ME3: variants seen among roughly 807,000 people sequenced by gnomAD.
The protein encoded by ME3 is NADP-dependent malic enzyme, mitochondrial.
ME3 carries 48 observed loss-of-function variants against 68.9 expected under a neutral mutation model. That is an observed-to-expected ratio of 0.70 (90% CI 0.55 to 0.89). The LOEUF is 0.89. ME3 is among the 40% of genes least tolerant of loss of function. The pLI is 0.00. For missense variants in ME3, 675 were observed against 797.4 expected (o/e 0.85, Z 1.85); for synonymous variants, 320 against 318.8 (o/e 1.00, Z -0.04).
rs1042138453 is a variant in ME3 at position 86,594,369 on chromosome 11, T to A, written c.184-34546A>T. 3.4e-5 allele frequency among the ~76,000 whole-genome samples: 5 copies of A among 146,284 alleles called. 1 individual carries two copies. Among genetic ancestry groups the A allele is most frequent in the Non-Finnish European group, 6.0e-5 (4 of 67,140 alleles). ...CACCTCATCATAAAATACAAGTACA[T>A]TGAAGAGACATTTAAGTTATCATCC... On this transcript the variant is annotated intron_variant, in intron 2 of 14. Transcript: ENST00000543262.
At chr11:86,665,112 C>T (rs562374107) in intron 2 of ME3, among the ~76,000 whole-genome samples, 90 of 152,296 alleles carry the variant, frequency 5.9e-4, no homozygotes, top group Non-Finnish European at 1.1e-3. Context: ...TTGAATGACT[C>T]GCTCATTCAC....
chr11:86,598,922 A>C (rs1377068677), intron 2 of ME3, among the ~76,000 whole-genome samples: 3 of 152,240 alleles, frequency 2.0e-5, no homozygotes, highest in Non-Finnish European at 4.4e-5. Flanking sequence ...AACGAACAGA[A>C]AGGGCATCCA....
At chr11:86,532,602 C>T (rs767046747) in intron 4 of ME3, among the ~76,000 whole-genome samples, 2 of 152,090 alleles carry the variant, frequency 1.3e-5, no homozygotes, top group Non-Finnish European at 2.9e-5. Context: ...GGAAATTAAA[C>T]AACATTCTCT....
At chr11:86,437,898 T>G (rs1948906402), downstream of ME3, among the ~76,000 whole-genome samples, 1 of 151,894 alleles carries the variant, frequency 6.6e-6, no homozygotes, top group African/African-American at 2.4e-5. Context: ...TTCTTTAGTG[T>G]TTTTTACATG....
At chr11:86,590,714 C>T (rs184664703) in intron 2 of ME3, among the ~76,000 whole-genome samples, 232 of 152,244 alleles carry the variant, frequency 1.5e-3, no homozygotes, top group African/African-American at 5.1e-3. Flanking sequence ...TTGTTAATTA[C>T]GTTACTCTGG....
chr11:86,568,855 C>T (rs941482223), intron 2 of ME3, among the ~76,000 whole-genome samples: 12 of 152,220 alleles, frequency 7.9e-5, no homozygotes, highest in Non-Finnish European at 1.8e-4. Context: ...CCAGGACTGT[C>T]ATGTTAGGCA....
intron 2 of ME3, 161 bp downstream of exon 2, chr11:86,671,601 A>G (rs967260261): frequency 6.1e-6 from 5 of 820,998 alleles, no homozygotes; most frequent in African/African-American, 1.8e-5. Flanking sequence ...GAGGAGGGAC[A>G]AGAAAGCCAA....
chr11:86,527,281 TGAATG>T (rs1273337665), intron 4 of ME3, among the ~76,000 whole-genome samples: 1 of 151,956 alleles, frequency 6.6e-6, no homozygotes, highest in African/African-American at 2.4e-5. Flanking sequence ...GAAGATCAAA[TGAATG>T]AAATGAAGTG....
At chr11:86,508,435 C>G (rs899101889) in intron 5 of ME3, among the ~76,000 whole-genome samples, 8 of 152,172 alleles carry the variant, frequency 5.3e-5, no homozygotes, top group Non-Finnish European at 4.4e-5. Context: ...GTGCCTTTGG[C>G]TTATTTTCCA....
chr11:86,480,609 A>T (rs998431073), intron 7 of ME3, among the ~76,000 whole-genome samples: 1 of 152,186 alleles, frequency 6.6e-6, no homozygotes, highest in East Asian at 1.9e-4. Context: ...CAGGCCCAAC[A>T]TGTGCCTGCT....
intron 2 of ME3, among the ~76,000 whole-genome samples, chr11:86,662,234 T>G (rs1417520941): frequency 6.6e-6 from 1 of 152,162 alleles, no homozygotes; most frequent in Non-Finnish European, 1.5e-5. Flanking sequence ...TAAAATCAGG[T>G]GGCCTGAGTT....
At chr11:86,504,921 C>T (rs1323593562) in intron 5 of ME3, among the ~76,000 whole-genome samples, 1 of 152,086 alleles carries the variant, frequency 6.6e-6, no homozygotes, top group Non-Finnish European at 1.5e-5. Flanking sequence ...AAACTCCTGA[C>T]CTCAAGTGAT....
At chr11:86,436,510 T>A (rs1299819982), downstream of ME3, 1 of 152,130 alleles carries the variant, frequency 6.6e-6, no homozygotes, top group East Asian at 1.9e-4. Context: ...ATTTTAAATT[T>A]TGATGAAGTA....
At chr11:86,511,689 G>GGCC (rs1228124188) in intron 4 of ME3, among the ~76,000 whole-genome samples, 6 of 152,074 alleles carry the variant, frequency 3.9e-5, no homozygotes, top group African/African-American at 1.4e-4. Context: ...TTATGGAAAG[G>GGCC]GCCTGACCTC....
At chr11:86,474,572 G>C (rs1950958961) in intron 7 of ME3, among the ~76,000 whole-genome samples, 2 of 152,162 alleles carry the variant, frequency 1.3e-5, no homozygotes, top group South Asian at 4.2e-4. Context: ...CCACTGGCTG[G>C]CTTGGGGGCT....
chr11:86,669,545 G>A (rs1000048741), intron 2 of ME3, among the ~76,000 whole-genome samples: 5 of 152,180 alleles, frequency 3.3e-5, no homozygotes, highest in Non-Finnish European at 7.4e-5. Flanking sequence ...AAATGTGTCA[G>A]GCACTTATAA....
At chr11:86,595,765 G>T (rs553674611) in intron 2 of ME3, among the ~76,000 whole-genome samples, 1 of 152,344 alleles carries the variant, frequency 6.6e-6, no homozygotes, top group South Asian at 2.1e-4. Flanking sequence ...TGATGTGTAA[G>T]AGGCAAGGCT....
At chr11:86,642,994 G>T (rs672266) in intron 2 of ME3, among the ~76,000 whole-genome samples, 106,353 of 151,990 alleles carry the variant, frequency 0.7, 38,390 homozygotes, top group Non-Finnish European at 0.8. Flanking sequence ...GTTTCTATTA[G>T]TTTTTTTTGA....
rs137886558 is a variant in ME3 at position 86,607,311 on chromosome 11, C to G, written c.184-47488G>C. The stretch of plus-strand genomic sequence containing the variant: ...ATACTGGCGGGGCTGAACTTTAACT[C>G]CTCTCATCCTTCAATGTTCTCAGGC... On this transcript the variant is annotated intron_variant, in intron 2 of 14. Transcript: ENST00000543262. 1.6e-4 allele frequency among the ~76,000 whole-genome samples: 24 copies of G among 152,236 alleles called. No homozygotes were observed. In the East Asian group the frequency reaches 4.4e-3, roughly 28 times the overall value.
Sources: gnomAD v4.1 joint callset for allele counts (sites outside exome capture counted in the v4.1 genomes callset) on GRCh38, gnomAD v4.1.1 for gene constraint, MANE v1.5 for transcripts, NCBI Gene and HGNC (gene_info 2026-07-23, HGNC 2026-07-21) for gene names.